The following RBFOX1 variants were observed in gnomAD, a reference collection of about 807,000 sequenced individuals.
The protein encoded by RBFOX1 is RNA binding fox-1 homolog 1.
Under a neutral mutation model 57.7 loss-of-function variants are expected in RBFOX1, and 8 were observed. That is an observed-to-expected ratio of 0.14 (90% confidence interval 0.08 to 0.25). RBFOX1 has a LOEUF of 0.25. Among genes scored for constraint, RBFOX1 ranks in the 10% least tolerant of loss-of-function variants. The pLI is 1.00. For synonymous variants in RBFOX1, 326 were observed against 222.4 expected (o/e 1.47, Z -4.15); for missense variants, 611 against 548.5 (o/e 1.11, Z -1.14).
At chr16:6,666,860 G>T (rs759256661) in intron 3 of RBFOX1, among the ~76,000 whole-genome samples, 4 of 152,016 alleles carry the variant, frequency 2.6e-5, no homozygotes, top group Non-Finnish European at 4.4e-5. Flanking sequence ...TCAGCCTAAG[G>T]TATTATCTCG....
At chr16:5,823,658 G>T (rs2055934607) in intron 3 of RBFOX1, among the ~76,000 whole-genome samples, 1 of 152,166 alleles carries the variant, frequency 6.6e-6, no homozygotes, top group East Asian at 1.9e-4. Context: ...CAGGTCAGTG[G>T]CAGCATTAGA....
At chr16:5,404,925 G>T (rs1354253016) in intron 1 of RBFOX1, among the ~76,000 whole-genome samples, 2 of 152,168 alleles carry the variant, frequency 1.3e-5, no homozygotes, top group African/African-American at 4.8e-5. Flanking sequence ...AGTTCATTCT[G>T]GGTCTGAGGA....
At chr16:5,976,119 T>G (rs2060057324) in intron 4 of RBFOX1, among the ~76,000 whole-genome samples, 1 of 152,044 alleles carries the variant, frequency 6.6e-6, no homozygotes, top group South Asian at 2.1e-4. Context: ...CACTCTAGAC[T>G]GGGCAACAGA....
chr16:7,540,617 T>C (rs2082663154), intron 5 of RBFOX1, among the ~76,000 whole-genome samples: 1 of 152,230 alleles, frequency 6.6e-6, no homozygotes, highest in Non-Finnish European at 1.5e-5. Context: ...GTTGTTGTCA[T>C]GGACATAAAA....
At chr16:5,628,629 C>G (rs1000511926) in intron 3 of RBFOX1, among the ~76,000 whole-genome samples, 6 of 152,162 alleles carry the variant, frequency 3.9e-5, no homozygotes, top group Admixed American at 3.9e-4. Flanking sequence ...GAAGATACCC[C>G]AAGAACCCAC....
At chr16:6,807,656 A>G (rs2087198242) in intron 3 of RBFOX1, among the ~76,000 whole-genome samples, 1 of 152,032 alleles carries the variant, frequency 6.6e-6, no homozygotes, top group African/African-American at 2.4e-5. Context: ...TCTCCACTAA[A>G]AATAAAAAAT....
At chr16:6,834,891 A>AT (rs71147607) in intron 3 of RBFOX1, among the ~76,000 whole-genome samples, 3,658 of 118,868 alleles carry the variant, frequency 0.031, 187 homozygotes, top group East Asian at 0.12. Flanking sequence ...TGACTTCTCT[A>AT]TTTTTTTTTT....
At chr16:6,244,993 T>A (rs1272052945) in intron 1 of RBFOX1, among the ~76,000 whole-genome samples, 1 of 152,158 alleles carries the variant, frequency 6.6e-6, no homozygotes, top group African/African-American at 2.4e-5. Context: ...TCTGACAGTA[T>A]GATATTTATT....
At chr16:5,980,264 C>T (rs1596335936) in intron 4 of RBFOX1, among the ~76,000 whole-genome samples, 3 of 152,236 alleles carry the variant, frequency 2.0e-5, no homozygotes, top group Non-Finnish European at 2.9e-5. Flanking sequence ...AAATCGACTC[C>T]TTCCCTCCAG....
intron 2 of RBFOX1, among the ~76,000 whole-genome samples, chr16:5,478,637 G>T (rs937545577): frequency 3.3e-5 from 5 of 152,184 alleles, no homozygotes; most frequent in Non-Finnish European, 1.5e-5. Flanking sequence ...GAACAAATGG[G>T]TAGCATCTGC....
intron 4 of RBFOX1, among the ~76,000 whole-genome samples, chr16:7,311,324 G>T (rs1201187199): frequency 6.6e-6 from 1 of 152,058 alleles, no homozygotes. Context: ...GCATTCAGAA[G>T]GTTAGTGTGT....
chr16:7,076,544 C>G (rs1040023652), intron 4 of RBFOX1, among the ~76,000 whole-genome samples: 3 of 152,112 alleles, frequency 2.0e-5, no homozygotes, highest in African/African-American at 7.2e-5. Flanking sequence ...TCACTTGACT[C>G]AAATGGAACA....
Position 6,012,535 on chromosome 16 carries a change from C to T in RBFOX1, c.351+145200C>T, listed in dbSNP as rs141947741. 2.1e-3 allele frequency among the ~76,000 whole-genome samples: 317 copies of T among 152,288 alleles called. 1 individual carries two copies. The highest frequency in any genetic ancestry group is 3.7e-3 in the Non-Finnish European group (249 of 68,026). On this transcript the variant is annotated intron_variant, in intron 4 of 19. Transcript: ENST00000641259. ...ATCCCACAGTGCCCAGGGAGTCCCT[C>T]CACAGCAAAGGGTTATTTGGCTCAA...
At chr16:7,271,926 G>A (rs571392119) in intron 4 of RBFOX1, among the ~76,000 whole-genome samples, 2 of 152,112 alleles carry the variant, frequency 1.3e-5, no homozygotes, top group Non-Finnish European at 2.9e-5. Flanking sequence ...AGTCCTGCTG[G>A]AAATATCCCC....
At chr16:5,866,351 G>A (rs796610582) in intron 3 of RBFOX1, among the ~76,000 whole-genome samples, 2 of 152,130 alleles carry the variant, frequency 1.3e-5, no homozygotes, top group African/African-American at 4.8e-5. Context: ...ACTTTCCAAA[G>A]GTCCAGTCTC....
chr16:5,510,129 T>C lies in RBFOX1; in HGVS notation c.258+42875T>C, dbSNP rs145359045. 2.3e-3 allele frequency among the ~76,000 whole-genome samples: 354 copies of C among 152,328 alleles called. 2 individuals are homozygous for C. The highest frequency in any genetic ancestry group is 7.9e-3 in the African/African-American group (328 of 41,570). ...ATGGATGCAGGCTGAACCTACGAGCTGTGTAACTGGGGCTGGTTATTTAAC... is the reference window on the plus strand; with the variant it reads ...ATGGATGCAGGCTGAACCTACGAGCCGTGTAACTGGGGCTGGTTATTTAAC... On this transcript the variant is annotated intron_variant, in intron 2 of 2. Coordinates refer to the RBFOX1 transcript ENST00000585867.
chr16:6,315,760 A>T (rs1389834670), intron 1 of RBFOX1, among the ~76,000 whole-genome samples: 2 of 152,194 alleles, frequency 1.3e-5, no homozygotes, highest in Admixed American at 6.5e-5. Context: ...AGCTCTATCT[A>T]TTCTTGGGTC....
At position 7,377,773 on chromosome 16, in the gene RBFOX1, C is replaced by G. The variant is rs191539063; in HGVS notation, c.28-140374C>G. ...CAAGACGTCTAGGCCCCTGCTGTCTCAGAACTTAAATTTAGTGGGACAGAT... is the reference window on the plus strand; with the variant it reads ...CAAGACGTCTAGGCCCCTGCTGTCTGAGAACTTAAATTTAGTGGGACAGAT... On this transcript the variant is annotated intron_variant, in intron 4 of 15. Transcript: ENST00000550418. 2.1e-3 allele frequency among the ~76,000 whole-genome samples: 314 copies of G among 152,258 alleles called. 2 individuals carry two copies. In the Middle Eastern group the frequency reaches 0.034, roughly 16 times the overall value.
intron 1 of RBFOX1, among the ~76,000 whole-genome samples, chr16:6,230,451 A>C (rs1365297454): frequency 6.6e-6 from 1 of 152,194 alleles, no homozygotes. Context: ...AGGTCAGACC[A>C]CCGCGTTCTA....
Sources: gnomAD v4.1 joint callset for allele counts (sites outside exome capture counted in the v4.1 genomes callset) on GRCh38, gnomAD v4.1.1 for gene constraint, MANE v1.5 for transcripts, NCBI Gene and HGNC (gene_info 2026-07-23, HGNC 2026-07-21) for gene names.